Variants in PBX1 observed in about 807,000 individuals in gnomAD.
PBX1 encodes the protein PBX homeobox 1.
In PBX1, 6 loss-of-function variants were observed where a neutral mutation model predicts 53.4. The observed-to-expected ratio is 0.11, with a 90% CI of 0.06 to 0.22. The LOEUF (loss-of-function observed/expected upper bound fraction) is 0.22. PBX1 is among the 10% of genes least tolerant of loss of function. The pLI, the probability that PBX1 is intolerant of heterozygous loss-of-function variation, is 1.00. For synonymous variants in PBX1, 204 were observed against 212.3 expected, an observed-to-expected ratio of 0.96 and a Z score of 0.34; for missense variants, 251 against 551.4, an observed-to-expected ratio of 0.46 and a Z score of 5.46.
At chr1:164,600,932 T>G (rs546639449) in intron 2 of PBX1, among the ~76,000 whole-genome samples, 1 of 152,230 alleles carries the variant, frequency 6.6e-6, no homozygotes, top group African/African-American at 2.4e-5. Flanking sequence ...GAGATTCTTC[T>G]GCTCTCAGAA....
At chr1:164,603,059 C>G (rs1047474078) in intron 2 of PBX1, among the ~76,000 whole-genome samples, 1 of 151,974 alleles carries the variant, frequency 6.6e-6, no homozygotes, top group Non-Finnish European at 1.5e-5. Flanking sequence ...CCTTATAATC[C>G]GTCCCTTCCC....
intron 3 of PBX1, among the ~76,000 whole-genome samples, chr1:164,798,823 A>G (rs1343455981): frequency 1.3e-5 from 2 of 152,242 alleles, no homozygotes; most frequent in Non-Finnish European, 2.9e-5. Context: ...TTATAGACAT[A>G]GTGGATCTTC....
intron 7 of PBX1, among the ~76,000 whole-genome samples, 164 bp from the exon 8 acceptor site, chr1:164,821,373 G>A (rs1002561357): frequency 2.6e-5 from 4 of 152,064 alleles, no homozygotes; most frequent in East Asian, 1.9e-4. Context: ...ATTGGCATAC[G>A]GAGGAAGCTA....
intron 2 of PBX1, among the ~76,000 whole-genome samples, chr1:164,645,301 T>G (rs2101908810): frequency 6.6e-6 from 1 of 152,298 alleles, no homozygotes; most frequent in African/African-American, 2.4e-5. Flanking sequence ...AGGCCAGACC[T>G]TTTGGCCCCT....
chr1:164,778,858 A>G (rs1229373250), intron 2 of PBX1, among the ~76,000 whole-genome samples: 2 of 152,070 alleles, frequency 1.3e-5, no homozygotes, highest in Admixed American at 6.6e-5. Context: ...TTTGCTTGCT[A>G]TCAACCTTGC....
chr1:164,559,644 C>G lies in PBX1; in HGVS notation c.-179C>G. On this transcript the variant is annotated 5_prime_UTR_variant, in exon 1 of 9. Coordinates refer to ENST00000420696, the MANE Select transcript of PBX1 (RefSeq NM_002585.4). ...CCCCCTCCCCCTCCTCATCCTCCCA[C>G]CATCCTCTAAAGAGGCAAAGGGATT... 1 of 409,326 alleles carries G rather than the reference C, an allele frequency of 2.4e-6. No homozygotes were observed. The highest frequency in any genetic ancestry group is 4.5e-5 in the South Asian group (1 of 22,294). 25.4% of individuals were successfully genotyped at this position (409,326 alleles called of 1,614,324 possible).
chr1:164,729,246 T>C (rs1187208060), intron 2 of PBX1, among the ~76,000 whole-genome samples: 1 of 152,234 alleles, frequency 6.6e-6, no homozygotes, highest in Non-Finnish European at 1.5e-5. Context: ...ATTGAGCCTC[T>C]TTATTGATAT....
chr1:164,753,403 CT>C lies in PBX1; in HGVS notation c.266-39089del, dbSNP rs1274065215. 2.6e-5 allele frequency among the ~76,000 whole-genome samples: 4 copies of C among 152,086 alleles called. No individual in the cohort carries two copies. The South Asian group carries it at 6.2e-4, about 24-fold the overall frequency. ...ATAAAAGCAGGGCTATTTAATTCTC[CT>C]TGTTATCTTATTTGTCTTTTGTTTG... On this transcript the variant is annotated intron_variant, in intron 2 of 8. Transcript: ENST00000420696.
At chr1:164,707,418 T>TGTGTGTGTGTGTGAGAGAGAGA (rs58617739) in intron 2 of PBX1, among the ~76,000 whole-genome samples, 29 of 118,258 alleles carry the variant, frequency 2.5e-4, no homozygotes, top group African/African-American at 9.9e-4. Flanking sequence ...TGTGTGTGTG[T>TGTGTGTGTGTGTGAGAGAGAGA]GAGAGAGAGA....
chr1:164,611,749 C>CA (rs1656949633), intron 2 of PBX1, among the ~76,000 whole-genome samples: 4 of 152,124 alleles, frequency 2.6e-5, no homozygotes, highest in Admixed American at 2.0e-4. Flanking sequence ...AAGAGGGTGA[C>CA]ATACCCCACA....
chr1:164,777,780 C>G (rs775087740), intron 2 of PBX1, among the ~76,000 whole-genome samples: 2 of 152,202 alleles, frequency 1.3e-5, no homozygotes, highest in Non-Finnish European at 2.9e-5. Flanking sequence ...GCAGAAATCT[C>G]TTAGTCTATA....
chr1:164,561,582 A>G (rs186351845), intron 1 of PBX1, among the ~76,000 whole-genome samples: 108 of 152,330 alleles, frequency 7.1e-4, no homozygotes, highest in Non-Finnish European at 8.7e-4. Context: ...CTAGAAGAAT[A>G]CTCTCAGACA....
At chr1:164,726,841 G>A (rs548029267) in intron 2 of PBX1, among the ~76,000 whole-genome samples, 31 of 152,286 alleles carry the variant, frequency 2.0e-4, no homozygotes, top group African/African-American at 6.7e-4. Context: ...GGTTCCAGAG[G>A]CACTTCTAGG....
chr1:164,799,925 G>T (rs1194737882), intron 4 of PBX1, 36 bp downstream of exon 4: 2 of 1,572,674 alleles, frequency 1.3e-6, no homozygotes, highest in South Asian at 1.2e-5. Context: ...CCCTCTCTGG[G>T]AGTCCCTGAT....
chr1:164,706,804 T>C (rs574669162), intron 2 of PBX1, among the ~76,000 whole-genome samples: 2 of 152,348 alleles, frequency 1.3e-5, no homozygotes, highest in South Asian at 4.1e-4. Flanking sequence ...GGAATCTTGC[T>C]GAAGTCTTGT....
In PBX1 at chr1:164,849,634, G is replaced by C; in HGVS notation, c.*2958G>C. On this transcript the variant is annotated 3_prime_UTR_variant, in exon 9 of 9. Coordinates refer to ENST00000420696, the MANE Select transcript of PBX1 (RefSeq NM_002585.4). ...ACTAGACCCTGGGTTTGCCCACCTTGTAACTCTTCCTTATCTCCTCCTTTT... is the reference window on the plus strand; with the variant it reads ...ACTAGACCCTGGGTTTGCCCACCTTCTAACTCTTCCTTATCTCCTCCTTTT... The C allele has an allele frequency of 1.9e-6, 1 of 516,636 alleles. No homozygotes were observed. The highest frequency in any genetic ancestry group is 3.5e-5 in the South Asian group (1 of 28,400). 32.0% of individuals were successfully genotyped at this position (516,636 alleles called of 1,614,324 possible).
intron 3 of PBX1, among the ~76,000 whole-genome samples, chr1:164,798,310 T>C (rs1216733867): frequency 6.6e-6 from 1 of 152,250 alleles, no homozygotes; most frequent in Non-Finnish European, 1.5e-5. Context: ...TTTCTGCTGT[T>C]AATAAGTTGG....
At chr1:164,675,645 G>T (rs1015221864) in intron 2 of PBX1, among the ~76,000 whole-genome samples, 1 of 152,000 alleles carries the variant, frequency 6.6e-6, no homozygotes, top group Non-Finnish European at 1.5e-5. Context: ...GCACTTTACT[G>T]CCTTTATGGC....
intron 2 of PBX1, among the ~76,000 whole-genome samples, chr1:164,626,428 G>A (rs12746980): frequency 0.062 from 9,474 of 152,200 alleles, 821 homozygotes; most frequent in East Asian, 0.38. Flanking sequence ...GCTAGTGGGT[G>A]GGTAAGTGGA....
Sources: gnomAD v4.1 joint callset for allele counts (sites outside exome capture counted in the v4.1 genomes callset) on GRCh38, gnomAD v4.1.1 for gene constraint, MANE v1.5 for transcripts, NCBI Gene and HGNC (gene_info 2026-07-23, HGNC 2026-07-21) for gene names.